The following PCDHGA8 variants were observed in gnomAD, a reference collection of about 807,000 sequenced individuals.
PCDHGA8 encodes the protein protocadherin gamma subfamily A, 8.
A neutral mutation model predicts 59.2 loss-of-function variants in PCDHGA8; 45 were observed. That is an observed-to-expected ratio of 0.76 (90% CI 0.60 to 0.98). The LOEUF is 0.98. Ranked by LOEUF, PCDHGA8 falls within the 50% of genes least tolerant of loss-of-function variation. The pLI is 0.00. For missense variants in PCDHGA8, 1,257 were observed against 1,196.2 expected, an observed-to-expected ratio of 1.05 and a Z score of -0.75; for synonymous variants, 531 against 519.0, an observed-to-expected ratio of 1.02 and a Z score of -0.32.
At chr5:141,421,972 C>T (rs764728654) in intron 1 of PCDHGA8, 2 of 1,609,892 alleles carry the variant, frequency 1.2e-6, no homozygotes, top group African/African-American at 2.7e-5. Context: ...GTCCGTATAT[C>T]GCGTGAGTGT....
rs752145084 is a variant in PCDHGA8 at position 141,489,550 on chromosome 5, C to T, written c.2425-5257C>T. On this transcript the variant is annotated intron_variant, in intron 1 of 3. Coordinates refer to ENST00000398604, the MANE Select transcript of PCDHGA8 (RefSeq NM_032088.2). This position sits in a 1 kb window ranked among gnomAD's most constrained non-coding sequence, Gnocchi z 4.5. ...ATGTGGAGCCAGCACCAGCTGCCTGCTGCCAGTGCAGGTGGTGACTGAACA... is the reference window on the plus strand; with the variant it reads ...ATGTGGAGCCAGCACCAGCTGCCTGTTGCCAGTGCAGGTGGTGACTGAACA... The T allele has an allele frequency of 1.2e-6, 2 of 1,614,132 alleles. No homozygotes were observed. The highest frequency in any genetic ancestry group is 1.7e-5 in the Admixed American group (1 of 60,030).
chr5:141,421,760 A>G, intron 1 of PCDHGA8: 1 of 1,613,868 alleles, frequency 6.2e-7, no homozygotes, highest in South Asian at 1.1e-5. Context: ...CCTAATAATT[A>G]CTTTTCCTTG....
rs762314174 is a variant in PCDHGA8, at chr5:141,404,905, GCC to G, written c.2424+9672_2424+9673del. The G allele has an allele frequency of 1.9e-6, 3 of 1,613,910 alleles. No homozygotes were observed. In the South Asian group the frequency reaches 3.3e-5, roughly 18 times the overall value. On this transcript the variant is annotated intron_variant, in intron 1 of 3. Coordinates refer to ENST00000398604, the MANE Select transcript of PCDHGA8 (RefSeq NM_032088.2). ...TGGTGGCTGTACAGGACCATGGCCA[GCC>G]CCCTCTCTCGGCCACTGTCACGCTC...
chr5:141,393,465 G>A lies in PCDHGA8; in HGVS notation c.652G>A (p.Gly218Ser), dbSNP rs776962387. ...HHLVLTASDGGKPPRSSTVRI... is the reference protein window; with the variant it reads ...HHLVLTASDGSKPPRSSTVRI... The stretch of plus-strand genomic sequence containing the variant: ...CCTGGTCCTCACGGCCTCGGATGGC[G>A]GCAAGCCGCCTCGCTCTAGCACAGT... The change falls in exon 1 of 4, where the codon GGC becomes AGC. Residue 218 changes from glycine to serine, a missense_variant. Physicochemically the swap from Gly to Ser is moderately conservative, Grantham distance 56. Transcript: ENST00000398604. 23 of 1,614,048 alleles carry A rather than the reference G, an allele frequency of 1.4e-5. No homozygotes were observed. The East Asian group carries it at 5.1e-4, about 36-fold the overall frequency.
chr5:141,427,955 G>A (rs749241312), intron 1 of PCDHGA8: 1 of 1,587,202 alleles, frequency 6.3e-7, no homozygotes, highest in Non-Finnish European at 8.6e-7. Context: ...ATGACAATGT[G>A]CCGCGGGTGC....
At chr5:141,443,328 A>C (rs569134076) in intron 1 of PCDHGA8, among the ~76,000 whole-genome samples, 24 of 151,794 alleles carry the variant, frequency 1.6e-4, no homozygotes, top group African/African-American at 4.8e-4. Context: ...AAAAAAAAAA[A>C]ACAAAAATTA....
chr5:141,421,751 C>T (rs751678934), intron 1 of PCDHGA8: 1 of 1,613,932 alleles, frequency 6.2e-7, no homozygotes, highest in South Asian at 1.1e-5. Context: ...CAGCTCAGCC[C>T]TAATAATTAC....
chr5:141,467,015 T>C (rs1423064392), intron 1 of PCDHGA8, among the ~76,000 whole-genome samples: 1 of 152,072 alleles, frequency 6.6e-6, no homozygotes. Flanking sequence ...GCAATTTTTT[T>C]CCCTTTGTTT....
rs2096301395 is a variant in PCDHGA8, at chr5:141,418,913, C to A, written c.2424+23676C>A. On this transcript the variant is annotated intron_variant, in intron 1 of 3. Coordinates refer to ENST00000398604, the MANE Select transcript of PCDHGA8 (RefSeq NM_032088.2). ...CAGCCCAGAAATAATCATCACGTCA[C>A]TCTCTGATCAGATTATGGAGGATTC... The A allele has an allele frequency of 2.5e-6, 4 of 1,613,946 alleles. No homozygotes were observed. The highest frequency in any genetic ancestry group is 3.4e-6 in the Non-Finnish European group (4 of 1,179,822).
chr5:141,504,790 CT>C (rs1204741124), intron 2 of PCDHGA8, among the ~76,000 whole-genome samples: 15 of 152,080 alleles, frequency 9.9e-5, no homozygotes, highest in Admixed American at 3.9e-4. Context: ...TTGGGGCCTC[CT>C]ACATCTCCCC....
intron 2 of PCDHGA8, among the ~76,000 whole-genome samples, chr5:141,498,994 AAGGAAGGAAGG>A (rs2099788184): frequency 2.0e-5 from 3 of 148,560 alleles, no homozygotes; most frequent in Non-Finnish European, 4.5e-5. Flanking sequence ...GGAAGGAAGG[AAGGAAGGAAGG>A]AAGGAAGGAA....
chr5:141,478,604 T>C (rs1425759709), intron 1 of PCDHGA8: 2 of 1,562,580 alleles, frequency 1.3e-6, no homozygotes, highest in South Asian at 2.3e-5. Context: ...CTACATCATA[T>C]TGAGGAAGGA....
At chr5:141,496,249 A>G (rs1385823714) in intron 2 of PCDHGA8, among the ~76,000 whole-genome samples, 1 of 152,078 alleles carries the variant, frequency 6.6e-6, no homozygotes, top group East Asian at 1.9e-4. Context: ...GCTGAAGGGG[A>G]GGGAAACTTC....
rs760878091 is a variant in PCDHGA8 at position 141,476,406 on chromosome 5, T to A, written c.2425-18401T>A. The A allele has an allele frequency of 6.2e-7, 1 of 1,614,054 alleles. No individual in the cohort carries two copies. The highest frequency in any genetic ancestry group is 8.5e-7 in the Non-Finnish European group (1 of 1,180,002). On this transcript the variant is annotated intron_variant, in intron 1 of 3. Transcript: ENST00000398604. The surrounding 1 kb of genome is among the most constrained non-coding windows in gnomAD (Gnocchi z 7.6). Reference sequence around the variant, plus strand: ...AACGACCGTCTGGATCGAGAGGAGCTGTGTGGGACACTGCCCTCTTGCACT... The same window carrying A: ...AACGACCGTCTGGATCGAGAGGAGCAGTGTGGGACACTGCCCTCTTGCACT...
intron 1 of PCDHGA8, among the ~76,000 whole-genome samples, chr5:141,481,161 A>G (rs2099532805): frequency 6.6e-6 from 1 of 152,230 alleles, no homozygotes; most frequent in African/African-American, 2.4e-5. Flanking sequence ...GTATTTGCAG[A>G]ACCAGAATCC....
At chr5:141,446,830 A>G (rs1289946397) in intron 1 of PCDHGA8, among the ~76,000 whole-genome samples, 1 of 152,176 alleles carries the variant, frequency 6.6e-6, no homozygotes, top group Non-Finnish European at 1.5e-5. Flanking sequence ...GTAGATCCTT[A>G]TAAGGCTGAG....
At chr5:141,422,375 T>G (rs2096644332) in intron 1 of PCDHGA8, 3 of 1,570,696 alleles carry the variant, frequency 1.9e-6, no homozygotes, top group Admixed American at 1.9e-5. Flanking sequence ...AATGGTCAAG[T>G]CTCCTGTTTT....
chr5:141,501,501 T>C (rs2099809553), intron 2 of PCDHGA8, among the ~76,000 whole-genome samples: 1 of 151,938 alleles, frequency 6.6e-6, no homozygotes, highest in Non-Finnish European at 1.5e-5. Context: ...CTGCTGGGGC[T>C]CCAAGGCCTC....
At chr5:141,504,785 G>A (rs1439244687) in intron 2 of PCDHGA8, among the ~76,000 whole-genome samples, 1 of 151,964 alleles carries the variant, frequency 6.6e-6, no homozygotes, top group East Asian at 1.9e-4. Context: ...GTCTCTTGGG[G>A]CCTCCTACAT....
Sources: allele counts gnomAD v4.1 joint callset (sites outside exome capture counted in the v4.1 genomes callset), GRCh38; gene constraint gnomAD v4.1.1; non-coding constraint Gnocchi (gnomAD v3.1); transcripts MANE v1.5; gene names NCBI Gene and HGNC (gene_info 2026-07-23, HGNC 2026-07-21).